ERC1: variants seen among roughly 807,000 people sequenced by gnomAD.
The protein encoded by ERC1 is RAB6 interacting protein 2.
A neutral mutation model predicts 132.0 loss-of-function variants in ERC1; 56 were observed. The observed-to-expected ratio is 0.42, with a 90% CI of 0.34 to 0.53. The LOEUF is 0.53. ERC1 is among the 20% of genes least tolerant of loss of function. ERC1 has a pLI of 0.03. For synonymous variants in ERC1, 478 were observed against 476.1 expected, an observed-to-expected ratio of 1.00 and a Z score of -0.05; for missense variants, 1,202 against 1,349.9, an observed-to-expected ratio of 0.89 and a Z score of 1.72.
chr12:1,431,580 A>G (rs1180560460), intron 17 of ERC1, among the ~76,000 whole-genome samples: 1 of 152,188 alleles, frequency 6.6e-6, no homozygotes, highest in East Asian at 1.9e-4. Context: ...GATTTTATTT[A>G]TCAGTTTTTA....
intron 12 of ERC1, among the ~76,000 whole-genome samples, chr12:1,222,007 A>G (rs1233323333): frequency 1.3e-5 from 2 of 152,192 alleles, no homozygotes; most frequent in African/African-American, 4.8e-5. Flanking sequence ...GCTGTAAGGT[A>G]TAGACTGTTG....
chr12:1,448,021 T>C (rs2093345750), intron 18 of ERC1, among the ~76,000 whole-genome samples: 1 of 152,088 alleles, frequency 6.6e-6, no homozygotes, highest in African/African-American at 2.4e-5. Context: ...TGGACTTAAC[T>C]CAGTCTTACC....
intron 13 of ERC1, among the ~76,000 whole-genome samples, chr12:1,256,344 A>C (rs7306915): frequency 0.05 from 7,421 of 149,034 alleles, 614 homozygotes; most frequent in African/African-American, 0.17. Flanking sequence ...ATGAAAATTC[A>C]TGAGGAAACA....
intron 18 of ERC1, among the ~76,000 whole-genome samples, chr12:1,470,474 C>G (rs1410575415): frequency 3.4e-5 from 5 of 148,756 alleles, no homozygotes; most frequent in Admixed American, 1.3e-4. Context: ...TTCATCTTCT[C>G]CCTTTTGACA....
chr12:1,441,141 C>T (rs958535138), intron 17 of ERC1, among the ~76,000 whole-genome samples: 1 of 152,092 alleles, frequency 6.6e-6, no homozygotes, highest in African/African-American at 2.4e-5. Flanking sequence ...TCACTGCAAC[C>T]TCCCCTTTTC....
chr12:1,468,411 T>A (rs1419220111), intron 18 of ERC1, among the ~76,000 whole-genome samples: 1 of 152,192 alleles, frequency 6.6e-6, no homozygotes, highest in Non-Finnish European at 1.5e-5. Context: ...AAGGTCAGCC[T>A]GGCCAACATG....
At chr12:1,435,252 A>G (rs1302792451) in intron 17 of ERC1, among the ~76,000 whole-genome samples, 1 of 152,190 alleles carries the variant, frequency 6.6e-6, no homozygotes, top group East Asian at 1.9e-4. Flanking sequence ...AGCTTCTCAG[A>G]TGTATGAGAT....
chr12:1,439,970 GT>G (rs1157692137), intron 17 of ERC1, among the ~76,000 whole-genome samples: 1 of 152,058 alleles, frequency 6.6e-6, no homozygotes, highest in Non-Finnish European at 1.5e-5. Context: ...GGCTTAAGTA[GT>G]TTTTTTACAG....
intron 18 of ERC1, among the ~76,000 whole-genome samples, chr12:1,468,769 A>G (rs1014282640): frequency 8.3e-4 from 126 of 152,240 alleles, no homozygotes; most frequent in African/African-American, 2.7e-3. Context: ...TTAAATCTGG[A>G]AAGAATTTAG....
At chr12:1,265,653 A>G (rs1179447667) in intron 14 of ERC1, among the ~76,000 whole-genome samples, 3 of 152,218 alleles carry the variant, frequency 2.0e-5, no homozygotes, top group African/African-American at 4.8e-5. Context: ...GTATAATGAC[A>G]TGCATCTGCC....
At chr12:1,062,367 G>A (rs1369304685) in intron 2 of ERC1, among the ~76,000 whole-genome samples, 4 of 151,922 alleles carry the variant, frequency 2.6e-5, no homozygotes, top group Non-Finnish European at 5.9e-5. Context: ...AGCCATCTGC[G>A]TGCCTCAGTC....
chr12:1,191,738 T>C (rs1245504822), intron 12 of ERC1, among the ~76,000 whole-genome samples: 1 of 152,192 alleles, frequency 6.6e-6, no homozygotes, highest in Non-Finnish European at 1.5e-5. Context: ...GATCTACTCT[T>C]TCCACAGAAT....
intron 5 of ERC1, 151 bp from the exon 6 acceptor site, chr12:1,112,064 C>T (rs564225912): frequency 3.6e-6 from 2 of 561,060 alleles, no homozygotes; most frequent in East Asian, 6.2e-5. Flanking sequence ...TTAGAAACTA[C>T]CTATGGCTCT....
intron 1 of ERC1, among the ~76,000 whole-genome samples, chr12:1,026,450 C>T (rs1263074808): frequency 1.3e-5 from 2 of 152,146 alleles, no homozygotes; most frequent in Non-Finnish European, 2.9e-5. Context: ...ATAATTTAGA[C>T]CCTGTTCTTG....
chr12:1,180,484 C>A, intron 8 of ERC1, 56 bp from the exon 9 acceptor site: 1 of 1,513,648 alleles, frequency 6.6e-7, no homozygotes, highest in Non-Finnish European at 9.1e-7. Flanking sequence ...TTTGATTGTG[C>A]TATTGTTTTT....
chr12:1,008,237 A>G (rs540901533), intron 1 of ERC1, among the ~76,000 whole-genome samples: 26 of 152,312 alleles, frequency 1.7e-4, no homozygotes, highest in African/African-American at 6.3e-4. Context: ...TCATCGAGCT[A>G]TTGATGGTTG....
intron 13 of ERC1, among the ~76,000 whole-genome samples, chr12:1,256,243 A>G (rs1214412862): frequency 6.6e-6 from 1 of 150,468 alleles, no homozygotes; most frequent in Non-Finnish European, 1.5e-5. Flanking sequence ...TTTGAAATAC[A>G]CAGTTGTAAT....
intron 17 of ERC1, among the ~76,000 whole-genome samples, chr12:1,428,368 G>C (rs895689887): frequency 6.6e-6 from 1 of 152,166 alleles, no homozygotes; most frequent in Admixed American, 6.5e-5. Context: ...TTTCTGCAGT[G>C]TAGTAGCTAT....
chr12:1,427,000 A>G (rs1464421530), intron 17 of ERC1, among the ~76,000 whole-genome samples: 4 of 152,124 alleles, frequency 2.6e-5, no homozygotes, highest in Non-Finnish European at 5.9e-5. Flanking sequence ...TGCCTGGGAC[A>G]CTACAGGCAG....
Sources: allele counts gnomAD v4.1 joint callset (sites outside exome capture counted in the v4.1 genomes callset), GRCh38; gene constraint gnomAD v4.1.1; transcripts MANE v1.5; gene names NCBI Gene and HGNC (gene_info 2026-07-23, HGNC 2026-07-21).